AFDN: variants seen among roughly 807,000 people sequenced by gnomAD.
AFDN encodes the protein afadin.
AFDN carries 68 observed loss-of-function variants against 216.6 expected under a neutral mutation model. The observed-to-expected ratio is 0.31, with a 90% CI of 0.26 to 0.38. AFDN has a LOEUF of 0.38. Ranked by LOEUF, AFDN falls within the 10% of genes least tolerant of loss-of-function variation. The pLI, the probability that AFDN is intolerant of heterozygous loss-of-function variation, is 1.00. For synonymous variants in AFDN, 868 were observed against 853.7 expected (o/e 1.02, Z -0.29); for missense variants, 2,136 against 2,342.0 (o/e 0.91, Z 1.82).
intron 1 of AFDN, among the ~76,000 whole-genome samples, chr6:167,834,824 T>TA (rs1180525848): frequency 2.6e-5 from 4 of 151,144 alleles, no homozygotes; most frequent in Admixed American, 2.0e-4. Flanking sequence ...TACCAAAATT[T>TA]AAAAAAAAAT....
At chr6:167,956,126 A>ACAAAAC (rs1796486547) in intron 30 of AFDN, among the ~76,000 whole-genome samples, 1 of 150,526 alleles carries the variant, frequency 6.6e-6, no homozygotes, top group South Asian at 2.1e-4. Flanking sequence ...AAAAAAAAAA[A>ACAAAAC]AAAAAAAAAA....
rs1470044055 is a variant in AFDN at position 167,952,078 on chromosome 6, A to G, written c.4724A>G (p.Lys1575Arg). ...CTCATGCTGGAGTGGCAGTTCCAGA[A>G]GAGACTCCAGGAGTCGAAGCAGAAG... ...RKLMLEWQFQ[K>R]RLQESKQKDE... is the part of the protein sequence containing the mutation. The change falls in exon 30 of 34, where the codon AAG (lysine) becomes AGG (arginine). Residue 1575 changes from lysine to arginine, a missense_variant. Coordinates refer to ENST00000683244, the MANE Select transcript of AFDN (RefSeq NM_001386888.1). 6.2e-7 allele frequency: 1 copy of G among 1,614,128 alleles called. No individual in the cohort carries two copies. The highest frequency in any genetic ancestry group is 8.5e-7 in the Non-Finnish European group (1 of 1,179,996).
In AFDN at chr6:167,947,892, C is replaced by T. The variant is rs73034998; in HGVS notation, c.3593C>T (p.Ser1198Phe). 209 of 1,614,004 alleles carry T rather than the reference C, an allele frequency of 1.3e-4. No homozygotes were observed. The highest frequency in any genetic ancestry group is 1.8e-4 in the Non-Finnish European group (207 of 1,179,944). ...PSPGGKSAYA[S>F]GTTAKITSVS... is the part of the protein sequence containing the mutation. ...CCTGGAGGGAAAAGTGCATATGCCT[C>T]TGGAACAACAGCGAAGATAACATCT... Residue 1198 changes from serine (S) to phenylalanine (F), a missense_variant, in exon 28 of 34, where the codon TCT becomes TTT. Transcript: ENST00000683244.
intron 1 of AFDN, among the ~76,000 whole-genome samples, chr6:167,855,210 T>A (rs1241836792): frequency 1.3e-5 from 2 of 152,118 alleles, no homozygotes; most frequent in African/African-American, 2.4e-5. Flanking sequence ...TAATCTTTTT[T>A]AAAACTATTA....
chr6:167,957,860 C>G lies in AFDN; in HGVS notation c.4834-4573C>G, dbSNP rs527803913. 2.6e-5 allele frequency among the ~76,000 whole-genome samples: 4 copies of G among 152,304 alleles called. No homozygotes were observed. In the East Asian group the frequency reaches 7.7e-4, roughly 29 times the overall value. Reference sequence around the variant, plus strand: ...TTCATTGCTCCAGGTTGCCACATAACTGCATATATTCCTCTCATTTCCTCA... The same window carrying G: ...TTCATTGCTCCAGGTTGCCACATAAGTGCATATATTCCTCTCATTTCCTCA... On this transcript the variant is annotated intron_variant, in intron 30 of 33. Transcript: ENST00000683244.
rs778361969 is a variant in AFDN at position 167,864,333 on chromosome 6, T to TA, written c.106-217dup. On this transcript the variant is annotated intron_variant, in intron 1 of 33. Transcript: ENST00000683244. Reference sequence around the variant, plus strand: ...CATCTATTTGACAGCCATTATTTCATACGTGACACAGGTGAGGCAAAGAGA... The same window carrying TA: ...CATCTATTTGACAGCCATTATTTCATAACGTGACACAGGTGAGGCAAAGAGA... The TA allele has an allele frequency of 1.1e-4, 79 of 740,806 alleles. No individual in the cohort carries two copies. The African/African-American group carries it at 1.3e-3, about 12-fold the overall frequency. 45.9% of individuals were successfully genotyped at this position (740,806 alleles called of 1,614,324 possible). A position where few individuals can be genotyped will look rare whatever the true frequency, so the allele number is the denominator to read the frequency against.
At chr6:167,940,087 A>G (rs749265771) in intron 23 of AFDN, among the ~76,000 whole-genome samples, 2 of 152,236 alleles carry the variant, frequency 1.3e-5, no homozygotes, top group Non-Finnish European at 2.9e-5. Flanking sequence ...TGTGTGGACT[A>G]TGGTGAATGA....
At chr6:167,864,781 G>T in intron 2 of AFDN, 35 bp downstream of exon 2, 2 of 1,598,706 alleles carry the variant, frequency 1.3e-6, no homozygotes, top group South Asian at 2.2e-5. Context: ...CTAGAGGCAT[G>T]ACCTGACCTG....
intron 23 of AFDN, among the ~76,000 whole-genome samples, chr6:167,931,081 C>T (rs1300398649): frequency 2.0e-5 from 3 of 152,164 alleles, no homozygotes; most frequent in Non-Finnish European, 4.4e-5. Context: ...CCCGTGAAGG[C>T]GGGCATCTTC....
intron 23 of AFDN, chr6:167,932,832 C>T (rs1793483138): frequency 2.0e-5 from 3 of 152,244 alleles, no homozygotes. Flanking sequence ...CTTTTTCTTT[C>T]AGTGTAACTT....
At position 167,946,744 on chromosome 6, in the gene AFDN, G is replaced by A. The variant is rs1229798222; in HGVS notation, c.3396G>A (p.Lys1132=). The change falls in exon 27 of 34, where the codon AAG becomes AAA. Residue 1132 remains lysine, a synonymous_variant. Coordinates refer to ENST00000683244, the MANE Select transcript of AFDN (RefSeq NM_001386888.1). The part of the protein sequence containing the change: ...DRRGSGKPRP[K]SEGFELYNNS... ...GTGGCTCAGGTAAACCCCGACCAAA[G>A]AGTGAAGGCTTTGAGCTCTATAATA... The A allele has an allele frequency of 6.2e-7, 1 of 1,614,092 alleles. No individual in the cohort carries two copies. Among genetic ancestry groups the A allele is most frequent in the South Asian group, 1.1e-5 (1 of 91,072 alleles).
In AFDN at chr6:167,970,665, A is replaced by G. The variant is rs944324578; in HGVS notation, c.*730A>G. ...TTTAAGCTTAGGGGATTTTATTTTTATAAATACCAGATTATTGTTAGACTT... is the reference window on the plus strand; with the variant it reads ...TTTAAGCTTAGGGGATTTTATTTTTGTAAATACCAGATTATTGTTAGACTT... On this transcript the variant is annotated 3_prime_UTR_variant, in exon 34 of 34. Coordinates refer to ENST00000683244, the MANE Select transcript of AFDN (RefSeq NM_001386888.1). The G allele has an allele frequency of 2.9e-5, 6 of 208,982 alleles. No homozygotes were observed. The highest frequency in any genetic ancestry group is 4.9e-5 in the Non-Finnish European group (5 of 102,992). The allele number at this position is 208,982 out of a possible 1,614,324, so 12.9% of individuals were successfully genotyped here. A position where few individuals can be genotyped will look rare whatever the true frequency, so the allele number is the denominator to read the frequency against.
At chr6:167,877,956 A>G (rs1785591699) in intron 5 of AFDN, among the ~76,000 whole-genome samples, 1 of 152,108 alleles carries the variant, frequency 6.6e-6, no homozygotes, top group South Asian at 2.1e-4. Context: ...TGTGTTTTTG[A>G]CACTCAGTTA....
intron 12 of AFDN, among the ~76,000 whole-genome samples, chr6:167,903,002 G>T (rs1390735527): frequency 6.6e-6 from 1 of 152,160 alleles, no homozygotes; most frequent in Non-Finnish European, 1.5e-5. Context: ...TGTGTAGTTA[G>T]CCTTGCTCAG....
chr6:167,952,129 A>T lies in AFDN; in HGVS notation c.4775A>T (p.Asp1592Val). The stretch of plus-strand genomic sequence containing the variant: ...GACGAAGATGACGAGGAGGAGGAGG[A>T]CGATGATGTGGACACCATGCTGATC... ...QKDEDDEEEEDDDVDTMLIMQ... is the reference protein window; with the variant it reads ...QKDEDDEEEEVDDVDTMLIMQ... The change falls in exon 30 of 34, where the codon GAC becomes GTC. Residue 1592 changes from aspartate to valine, a missense_variant. By Grantham distance (152) the Asp-to-Val change is radical (BLOSUM62 -3). Coordinates refer to ENST00000683244, the MANE Select transcript of AFDN (RefSeq NM_001386888.1). 1.9e-6 allele frequency: 3 copies of T among 1,614,132 alleles called. No individual in the cohort carries two copies. Among genetic ancestry groups the T allele is most frequent in the Non-Finnish European group, 1.7e-6 (2 of 1,180,012 alleles).
rs1381954323 is a variant in AFDN, at chr6:167,966,132, C to T, written c.5257+87C>T. 6 of 1,535,452 alleles carry T rather than the reference C, an allele frequency of 3.9e-6. No individual in the cohort carries two copies. The African/African-American group carries it at 4.1e-5, about 11-fold the overall frequency. Reference sequence around the variant, plus strand: ...ACCACGGCCACCCCCCTGCCAGCCACGCCCGGCCTCCGATGGCGTCTTTCT... The same window carrying T: ...ACCACGGCCACCCCCCTGCCAGCCATGCCCGGCCTCCGATGGCGTCTTTCT... On this transcript the variant is annotated intron_variant, in intron 32 of 33. Coordinates refer to ENST00000683244, the MANE Select transcript of AFDN (RefSeq NM_001386888.1).
chr6:167,889,249 A>G lies in AFDN; in HGVS notation c.932A>G (p.Glu311Gly). ...CCTCCTGGAGCCCAGCATTCTGATG[A>G]AAAGGGTGCTAAAGAAATTATTCTT... ...MLPPGAQHSD[E>G]KGAKEIILDD... The change falls in exon 7 of 34, where the codon GAA becomes GGA. Residue 311 changes from glutamate (E) to glycine (G), a missense_variant. Glu to Gly is a moderately conservative substitution (Grantham distance 98). Around this residue, in one of 8 missense-constraint regions of AFDN, gnomAD observed 817 missense variants for 965.7 expected, o/e 0.85. Coordinates refer to ENST00000683244, the MANE Select transcript of AFDN (RefSeq NM_001386888.1). The G allele has an allele frequency of 6.2e-7, 1 of 1,613,822 alleles. No individual in the cohort carries two copies. Among genetic ancestry groups the G allele is most frequent in the Middle Eastern group, 1.7e-4 (1 of 6,060 alleles).
chr6:167,852,531 C>T (rs1782437466), intron 1 of AFDN, among the ~76,000 whole-genome samples: 1 of 152,120 alleles, frequency 6.6e-6, no homozygotes, highest in African/African-American at 2.4e-5. Flanking sequence ...GGTGACAGCC[C>T]CTGTACTGTC....
chr6:167,852,714 G>A (rs1782459824), intron 1 of AFDN, among the ~76,000 whole-genome samples: 1 of 152,144 alleles, frequency 6.6e-6, no homozygotes, highest in African/African-American at 2.4e-5. Flanking sequence ...AGAGTAAGGA[G>A]TTGGTTGCTC....
Sources: allele counts gnomAD v4.1 joint callset (sites outside exome capture counted in the v4.1 genomes callset), GRCh38; gene constraint gnomAD v4.1.1; regional missense constraint gnomAD v4.1.1; transcripts MANE v1.5; gene names NCBI Gene and HGNC (gene_info 2026-07-23, HGNC 2026-07-21).